Variants in NTNG1 observed in about 807,000 individuals in gnomAD.
NTNG1 encodes netrin-G1.
In NTNG1, 16 loss-of-function variants were observed where a neutral mutation model predicts 54.0. The observed-to-expected ratio is 0.30, with a 90% CI of 0.20 to 0.45. The LOEUF is 0.45. Ranked by LOEUF, NTNG1 falls within the 20% of genes least tolerant of loss-of-function variation. The pLI, the probability that NTNG1 is intolerant of heterozygous loss-of-function variation, is 1.00. For missense variants in NTNG1, 530 were observed against 678.7 expected (o/e 0.78, Z 2.43); for synonymous variants, 255 against 263.1 (o/e 0.97, Z 0.30).
chr1:107,395,597 A>C, intron 4 of NTNG1: 2 of 586,388 alleles, frequency 3.4e-6, no homozygotes, highest in South Asian at 3.3e-5. Flanking sequence ...TGGATGAGAC[A>C]GGAGGTGATT....
chr1:107,322,170 G>A (rs1329772115), intron 2 of NTNG1, among the ~76,000 whole-genome samples: 3 of 152,102 alleles, frequency 2.0e-5, no homozygotes, highest in Non-Finnish European at 2.9e-5. Context: ...GTCATCTCAT[G>A]TGGCCCCAGT....
intron 3 of NTNG1, among the ~76,000 whole-genome samples, chr1:107,391,682 A>G (rs904760555): frequency 3.3e-5 from 5 of 152,252 alleles, no homozygotes; most frequent in African/African-American, 7.2e-5. Context: ...GACATGTCAC[A>G]TGGCAAGAGC....
rs35149559 is a variant in NTNG1 at position 107,304,187 on chromosome 1, C to CT, written c.247-20084dup. Reference sequence around the variant, plus strand: ...AGTATCTGGCACTATTGATCACATACTTTTTTTTTTTCTTTTTCTTTCTGG... The same window carrying CT: ...AGTATCTGGCACTATTGATCACATACTTTTTTTTTTTTCTTTTTCTTTCTGG... On this transcript the variant is annotated intron_variant, in intron 2 of 7. Coordinates refer to ENST00000370068, the MANE Select transcript of NTNG1 (RefSeq NM_001113226.3). Among the ~76,000 whole-genome samples the CT allele has an allele frequency of 1.4e-3, 209 of 147,286 alleles. 1 individual carries two copies. The highest frequency in any genetic ancestry group is 4.6e-3 in the African/African-American group (184 of 40,384).
At position 107,484,347 on chromosome 1, in the gene NTNG1, T is replaced by G. The variant is rs1178196043; in HGVS notation, c.*3507T>G. On this transcript the variant is annotated 3_prime_UTR_variant, in exon 8 of 8. Coordinates refer to ENST00000370068, the MANE Select transcript of NTNG1 (RefSeq NM_001113226.3). ...AGAACACTGAACAGTCTAAGAATTC[T>G]AAATCTATACCTGGGCTTCCAAGGG... 6.6e-6 allele frequency among the ~76,000 whole-genome samples: 1 copy of G among 152,224 alleles called. No homozygotes were observed. The highest frequency in any genetic ancestry group is 1.5e-5 in the Non-Finnish European group (1 of 68,036).
intron 4 of NTNG1, among the ~76,000 whole-genome samples, chr1:107,402,321 A>G (rs1673094942): frequency 6.6e-6 from 1 of 152,158 alleles, no homozygotes; most frequent in Non-Finnish European, 1.5e-5. Context: ...AGCCTTCTTC[A>G]TGCCAACAGG....
Position 107,354,468 on chromosome 1 carries a change from C to CA in NTNG1, c.887+29570dup, listed in dbSNP as rs398049560. On this transcript the variant is annotated intron_variant, in intron 3 of 7. Transcript: ENST00000370068. ...TGGACGACAAACTGAGACTCCATCT[C>CA]AAAAAAAAAAAAAAAAAAAAAAAAG... is the stretch of plus-strand genomic sequence containing the variant. Among the ~76,000 whole-genome samples the CA allele has an allele frequency of 8.2e-3, 542 of 65,842 alleles. 3 individuals carry two copies. Among genetic ancestry groups the CA allele is most frequent in the East Asian group, 9.5e-3 (20 of 2,114 alleles). The allele number at this position is 65,842 out of a possible 152,430, so 43.2% of individuals were successfully genotyped here.
At chr1:107,257,763 T>G (rs1445718735) in intron 2 of NTNG1, among the ~76,000 whole-genome samples, 4 of 152,216 alleles carry the variant, frequency 2.6e-5, no homozygotes, top group Non-Finnish European at 5.9e-5. Flanking sequence ...TAAGCAAATG[T>G]CCTGCAGAGG....
chr1:107,153,381 TAATC>T (rs1654733365), intron 2 of NTNG1, among the ~76,000 whole-genome samples: 2 of 152,214 alleles, frequency 1.3e-5, no homozygotes, highest in Admixed American at 6.5e-5. Flanking sequence ...ATTTATATAA[TAATC>T]AAATAATCTT....
At chr1:107,351,401 G>A (rs140738157) in intron 3 of NTNG1, among the ~76,000 whole-genome samples, 287 of 152,238 alleles carry the variant, frequency 1.9e-3, no homozygotes, top group African/African-American at 6.4e-3. Flanking sequence ...CTTCTGGGGA[G>A]GCCTCAGAGA....
intron 7 of NTNG1, among the ~76,000 whole-genome samples, chr1:107,448,227 T>C (rs1676418094): frequency 6.6e-6 from 1 of 152,128 alleles, no homozygotes; most frequent in South Asian, 2.1e-4. Flanking sequence ...ATTTAAGTCA[T>C]AAATCAGCTC....
At chr1:107,315,253 C>T (rs1203143342) in intron 2 of NTNG1, among the ~76,000 whole-genome samples, 1 of 152,062 alleles carries the variant, frequency 6.6e-6, no homozygotes, top group African/African-American at 2.4e-5. Context: ...TGTCCATTTC[C>T]ACTCCTCGCA....
chr1:107,350,235 T>C (rs529940159), intron 3 of NTNG1, among the ~76,000 whole-genome samples: 34 of 152,308 alleles, frequency 2.2e-4, no homozygotes, highest in Admixed American at 1.3e-3. Flanking sequence ...AATGAGAGAA[T>C]TTATCTTTCA....
At chr1:107,400,991 T>C (rs1469469383) in intron 4 of NTNG1, among the ~76,000 whole-genome samples, 1 of 152,166 alleles carries the variant, frequency 6.6e-6, no homozygotes, top group African/African-American at 2.4e-5. Flanking sequence ...GTAAACCTAA[T>C]AGCCCTGTAA....
intron 3 of NTNG1, among the ~76,000 whole-genome samples, chr1:107,392,085 C>A (rs1672400113): frequency 6.6e-6 from 1 of 152,002 alleles, no homozygotes; most frequent in Non-Finnish European, 1.5e-5. Context: ...AGTTTGGGGA[C>A]ATATTGAGTT....
At chr1:107,298,734 C>G (rs1011441302) in intron 2 of NTNG1, among the ~76,000 whole-genome samples, 6 of 152,164 alleles carry the variant, frequency 3.9e-5, no homozygotes, top group Non-Finnish European at 5.9e-5. Context: ...CCTGCACATG[C>G]ACACATCTGG....
chr1:107,246,486 A>C (rs1238980171), intron 2 of NTNG1, among the ~76,000 whole-genome samples: 1 of 151,946 alleles, frequency 6.6e-6, no homozygotes, highest in Non-Finnish European at 1.5e-5. Flanking sequence ...TTATAAATAT[A>C]TTAATCCCTG....
intron 2 of NTNG1, among the ~76,000 whole-genome samples, chr1:107,151,099 A>G (rs934162211): frequency 1.3e-5 from 2 of 152,196 alleles, no homozygotes; most frequent in African/African-American, 4.8e-5. Flanking sequence ...TTTGTGAAAT[A>G]TTACCTATCA....
rs1672223579 is a variant in NTNG1, at chr1:107,389,404, TA to T, written c.888-5749del. ...CTGGCAGATAACAGGCTTCCCAGAA[TA>T]GATATATTAAGTTATAAAAAAATAA... On this transcript the variant is annotated intron_variant, in intron 3 of 7. Transcript: ENST00000370068. 2.7e-5 allele frequency among the ~76,000 whole-genome samples: 4 copies of T among 150,590 alleles called. No individual in the cohort carries two copies. In the South Asian group the frequency reaches 6.4e-4, roughly 24 times the overall value.
chr1:107,205,860 C>G (rs1659150689), intron 2 of NTNG1, among the ~76,000 whole-genome samples: 1 of 152,182 alleles, frequency 6.6e-6, no homozygotes, highest in African/African-American at 2.4e-5. Context: ...CTTCTTATAG[C>G]ATATGCTAGT....
Sources: gnomAD v4.1 joint callset for allele counts (sites outside exome capture counted in the v4.1 genomes callset) on GRCh38, gnomAD v4.1.1 for gene constraint, MANE v1.5 for transcripts, NCBI Gene and HGNC (gene_info 2026-07-23, HGNC 2026-07-21) for gene names.